The following ADGRL3 variants were observed in gnomAD, a reference collection of about 807,000 sequenced individuals.
ADGRL3 encodes the protein calcium-independent alpha-latrotoxin receptor 3.
A neutral mutation model predicts 153.5 loss-of-function variants in ADGRL3; 62 were observed. The ratio of observed to expected loss-of-function variants is 0.40; its 90% confidence interval spans 0.33 to 0.50. The LOEUF is 0.50. Ranked by LOEUF, ADGRL3 falls within the 20% of genes least tolerant of loss-of-function variation. The probability of loss-of-function intolerance (pLI) is 0.47; values close to 1 mark genes in which losing one functional copy is unlikely to be tolerated. For synonymous variants in ADGRL3, 710 were observed against 672.5 expected, an observed-to-expected ratio of 1.06 and a Z score of -0.86; for missense variants, 1,641 against 1,859.4, an observed-to-expected ratio of 0.88 and a Z score of 2.16.
intron 4 of ADGRL3, among the ~76,000 whole-genome samples, chr4:61,562,807 A>C (rs2098800589): frequency 6.6e-6 from 1 of 152,092 alleles, no homozygotes; most frequent in Non-Finnish European, 1.5e-5. Context: ...GATCTTCTTC[A>C]GTCAATCATG....
chr4:61,750,182 T>TAAA (rs60768535), intron 8 of ADGRL3, among the ~76,000 whole-genome samples: 1 of 94,610 alleles, frequency 1.1e-5, no homozygotes. Context: ...AGGGGATGGT[T>TAAA]AAAAAAAAAA....
At chr4:61,956,966 G>T (rs183305516) in intron 17 of ADGRL3, among the ~76,000 whole-genome samples, 2 of 152,202 alleles carry the variant, frequency 1.3e-5, no homozygotes, top group Admixed American at 1.3e-4. Flanking sequence ...AAGTCAGGTA[G>T]CATGATGCTT....
chr4:62,018,209 T>G (rs1399578925), intron 21 of ADGRL3, among the ~76,000 whole-genome samples: 2 of 152,152 alleles, frequency 1.3e-5, no homozygotes, highest in Non-Finnish European at 2.9e-5. Context: ...GGTGCTTCCT[T>G]GGCTCCCTGT....
At chr4:61,808,612 A>G (rs1200627876) in intron 8 of ADGRL3, among the ~76,000 whole-genome samples, 1 of 152,198 alleles carries the variant, frequency 6.6e-6, no homozygotes, top group Non-Finnish European at 1.5e-5. Context: ...AGCCGACTTT[A>G]TAAATGCCAG....
At chr4:61,517,786 C>T (rs1168403726) in intron 4 of ADGRL3, among the ~76,000 whole-genome samples, 2 of 151,886 alleles carry the variant, frequency 1.3e-5, no homozygotes, top group Non-Finnish European at 2.9e-5. Flanking sequence ...TTTGCATTAT[C>T]ACAGGAAATT....
intron 13 of ADGRL3, among the ~76,000 whole-genome samples, chr4:61,921,104 C>T (rs1026235451): frequency 1.3e-5 from 2 of 151,792 alleles, no homozygotes; most frequent in Non-Finnish European, 2.9e-5. Flanking sequence ...TCTGCTTGTT[C>T]TGTTAGTCAT....
intron 14 of ADGRL3, 74 bp downstream of exon 14, chr4:61,935,097 T>C: frequency 7.8e-7 from 1 of 1,289,434 alleles, no homozygotes; most frequent in East Asian, 2.3e-5. Context: ...AAAGTATCTC[T>C]GGTGTCCTAG....
Position 61,895,760 on chromosome 4 carries a change from G to T in ADGRL3, c.1813G>T (p.Asp605Tyr). Residue 605 changes from aspartate (D) to tyrosine (Y), a missense_variant, in exon 11 of 27, where the codon GAT (aspartate) becomes TAT (tyrosine). By Grantham distance (160) the Asp-to-Tyr change is radical. This residue lies in a region of ADGRL3 where 734 missense variants were observed against 797.0 expected (regional missense o/e 0.92). Transcript: ENST00000683033. Reference protein sequence around the residue: ...GVSTYLCLAPDGIWDPQGPDL... With the variant: ...GVSTYLCLAPYGIWDPQGPDL... Reference sequence around the variant, plus strand: ...ATCAACTTATCTATGCCTTGCTCCTGATGGAATTTGGGATCCCCAAGGTCC... The same window carrying T: ...ATCAACTTATCTATGCCTTGCTCCTTATGGAATTTGGGATCCCCAAGGTCC... The T allele has an allele frequency of 6.3e-7, 1 of 1,599,960 alleles. No individual in the cohort carries two copies. Among genetic ancestry groups the T allele is most frequent in the Non-Finnish European group, 8.5e-7 (1 of 1,172,228 alleles).
chr4:61,867,067 T>A (rs1358285314), intron 9 of ADGRL3, among the ~76,000 whole-genome samples: 3 of 152,122 alleles, frequency 2.0e-5, no homozygotes, highest in East Asian at 3.9e-4. Context: ...TCCTGTTTTT[T>A]AGGTAAAGAA....
At chr4:61,710,757 T>C (rs2095960473) in intron 6 of ADGRL3, among the ~76,000 whole-genome samples, 1 of 152,226 alleles carries the variant, frequency 6.6e-6, no homozygotes. Flanking sequence ...TCACCTAGTG[T>C]GTTGCACTCT....
chr4:61,574,118 A>G (rs1288393875), intron 4 of ADGRL3, among the ~76,000 whole-genome samples: 2 of 152,012 alleles, frequency 1.3e-5, no homozygotes, highest in African/African-American at 4.8e-5. Context: ...TCCAGTCACC[A>G]TGAAAGTCGG....
intron 3 of ADGRL3, among the ~76,000 whole-genome samples, chr4:61,503,937 C>T (rs1443978592): frequency 2.6e-5 from 4 of 152,104 alleles, no homozygotes; most frequent in Non-Finnish European, 5.9e-5. Context: ...CACTTAAATT[C>T]TCATCTATTT....
intron 19 of ADGRL3, among the ~76,000 whole-genome samples, chr4:61,995,390 T>C (rs2099118281): frequency 6.6e-6 from 1 of 152,206 alleles, no homozygotes. Context: ...TAAGTAACTT[T>C]TATAATCACA....
At chr4:61,387,692 T>C (rs2096754863) in intron 2 of ADGRL3, among the ~76,000 whole-genome samples, 1 of 152,212 alleles carries the variant, frequency 6.6e-6, no homozygotes, top group South Asian at 2.1e-4. Context: ...GAGCAATTGC[T>C]GTTATCCTGT....
At chr4:61,261,324 A>T (rs1246615158) in intron 1 of ADGRL3, among the ~76,000 whole-genome samples, 1 of 151,190 alleles carries the variant, frequency 6.6e-6, no homozygotes, top group Non-Finnish European at 1.5e-5. Context: ...GAACCATTGC[A>T]CCTTGCCCTC....
At chr4:61,486,249 AT>A in intron 2 of ADGRL3, among the ~76,000 whole-genome samples, 1 of 151,934 alleles carries the variant, frequency 6.6e-6, no homozygotes, top group East Asian at 1.9e-4. Context: ...CGGCTATGGA[AT>A]TTTTTTTAAC....
At chr4:61,262,849 A>C (rs544317976) in intron 1 of ADGRL3, among the ~76,000 whole-genome samples, 19 of 152,184 alleles carry the variant, frequency 1.2e-4, no homozygotes, top group African/African-American at 4.6e-4. Context: ...TATTTGATGC[A>C]CTACAGCCAC....
At chr4:61,753,416 G>C (rs1278024504) in intron 8 of ADGRL3, among the ~76,000 whole-genome samples, 1 of 152,158 alleles carries the variant, frequency 6.6e-6, no homozygotes. Flanking sequence ...AATGCCTCTG[G>C]TGATGAAAGA....
rs1324947363 is a variant in ADGRL3 at position 62,072,698 on chromosome 4, A to G, written c.*1790A>G. ...TGCATAACTTAATGTTGAGCAGGTT[A>G]ACATATATGTTACTATTTGCTTATC... On this transcript the variant is annotated 3_prime_UTR_variant, in exon 27 of 27. Coordinates refer to ENST00000683033, the MANE Select transcript of ADGRL3 (RefSeq NM_001387552.1). The G allele has an allele frequency of 6.6e-6, 1 of 152,042 alleles. No homozygotes were observed. The highest frequency in any genetic ancestry group is 2.4e-5 in the African/African-American group (1 of 41,444). 9.4% of individuals were successfully genotyped at this position (152,042 alleles called of 1,614,324 possible). A position where few individuals can be genotyped will look rare whatever the true frequency, so the allele number is the denominator to read the frequency against.
Sources: allele counts gnomAD v4.1 joint callset (sites outside exome capture counted in the v4.1 genomes callset), GRCh38; gene constraint gnomAD v4.1.1; regional missense constraint gnomAD v4.1.1; transcripts MANE v1.5; gene names NCBI Gene and HGNC (gene_info 2026-07-23, HGNC 2026-07-21).